HIP1: variants seen among roughly 807,000 people sequenced by gnomAD.
HIP1 encodes the protein huntingtin interacting protein 1.
Under a neutral mutation model 147.6 loss-of-function variants are expected in HIP1, and 65 were observed. That is an observed-to-expected ratio of 0.44 (90% CI 0.36 to 0.54). HIP1 has a LOEUF of 0.54. Among genes scored for constraint, HIP1 ranks in the 20% least tolerant of loss-of-function variants. The pLI is 0.00. For missense variants in HIP1, 1,061 were observed against 1,299.6 expected (o/e 0.82, Z 2.82); for synonymous variants, 479 against 504.0 (o/e 0.95, Z 0.67).
Position 75,568,237 on chromosome 7 carries a change from C to T in HIP1, c.765G>A (p.Leu255=). The T allele has an allele frequency of 1.2e-6, 2 of 1,613,164 alleles. No individual in the cohort carries two copies. The highest frequency in any genetic ancestry group is 2.2e-5 in the South Asian group (2 of 91,048). Residue 255 remains leucine, a synonymous_variant, in exon 9 of 31, where the codon CTG becomes CTA. Transcript: ENST00000336926. The surrounding 1 kb of genome is among the most constrained non-coding windows in gnomAD (Gnocchi z 4.1). ...CCATGAAGCGGTCCCGGTGGCCTTG[C>T]AGGGTGTCAGCTGGGAGGCCTGGAA... ...KLHSCLPADT[L]QGHRDRFMEQ...
chr7:75,572,421 G>C (rs1295405657), intron 8 of HIP1, among the ~76,000 whole-genome samples: 3 of 151,636 alleles, frequency 2.0e-5, no homozygotes, highest in African/African-American at 7.3e-5. Context: ...TAAATGGTCT[G>C]GAAATCATTA....
chr7:75,633,062 G>A (rs1456273078), intron 1 of HIP1, among the ~76,000 whole-genome samples: 1 of 152,084 alleles, frequency 6.6e-6, no homozygotes, highest in Non-Finnish European at 1.5e-5. Context: ...GGCTTAACAC[G>A]TAGGTGATGG....
At chr7:75,600,134 G>A (rs1019436429) in intron 1 of HIP1, among the ~76,000 whole-genome samples, 2 of 150,624 alleles carry the variant, frequency 1.3e-5, no homozygotes, top group East Asian at 2.0e-4. Context: ...TCTTTTGAGC[G>A]GAGTCTTACT....
intron 1 of HIP1, among the ~76,000 whole-genome samples, chr7:75,724,764 A>G (rs782781387): frequency 1.3e-5 from 2 of 151,956 alleles, no homozygotes; most frequent in Admixed American, 6.5e-5. Flanking sequence ...GGAAGCCACA[A>G]CTTGGGCATG....
rs368894720 is a variant in HIP1 at position 75,555,123 on chromosome 7, G to A, written c.1963+293C>T. ...GATTGTGTGAGCCCAGGAAGCGGAG[G>A]TTGCAGTGAGCCACGGCACTGCACT... On this transcript the variant is annotated intron_variant, in intron 19 of 30. Coordinates refer to ENST00000336926, the MANE Select transcript of HIP1 (RefSeq NM_005338.7). 7.4e-4 allele frequency among the ~76,000 whole-genome samples: 104 copies of A among 140,828 alleles called. 1 individual carries two copies. Among genetic ancestry groups the A allele is most frequent in the African/African-American group, 2.6e-3 (98 of 37,898 alleles). 92.4% of individuals were successfully genotyped at this position (140,828 alleles called of 152,430 possible).
At chr7:75,560,515 G>A (rs587619638) in intron 13 of HIP1, among the ~76,000 whole-genome samples, 67 of 152,290 alleles carry the variant, frequency 4.4e-4, no homozygotes, top group Non-Finnish European at 7.1e-4. Flanking sequence ...GCCTTCCAAA[G>A]TGCTGGGGTT....
intron 1 of HIP1, among the ~76,000 whole-genome samples, chr7:75,683,385 T>C (rs1554517179): frequency 6.6e-6 from 1 of 152,028 alleles, no homozygotes; most frequent in East Asian, 1.9e-4. Context: ...CCAAAAGGGG[T>C]TCCTGGCCTG....
At chr7:75,612,968 G>A (rs1301186549) in intron 1 of HIP1, among the ~76,000 whole-genome samples, 11 of 152,030 alleles carry the variant, frequency 7.2e-5, no homozygotes, top group Non-Finnish European at 1.5e-5. Context: ...GCTGGGCATG[G>A]TGGCAGGTGC....
chr7:75,640,261 A>G (rs976685708), intron 1 of HIP1, among the ~76,000 whole-genome samples: 5 of 152,086 alleles, frequency 3.3e-5, no homozygotes, highest in African/African-American at 1.2e-4. Context: ...GATCAACCCC[A>G]CTTTATACGG....
At chr7:75,651,143 A>G (rs1798966655) in intron 1 of HIP1, among the ~76,000 whole-genome samples, 1 of 151,904 alleles carries the variant, frequency 6.6e-6, no homozygotes, top group Non-Finnish European at 1.5e-5. Context: ...CTCAGTCCGC[A>G]TGAAAACGGG....
chr7:75,574,300 T>A (rs1212297135), intron 7 of HIP1, among the ~76,000 whole-genome samples: 1 of 145,642 alleles, frequency 6.9e-6, no homozygotes, highest in Non-Finnish European at 1.5e-5. Context: ...AAAAAAAAAG[T>A]GGTTTTGGCA....
chr7:75,550,739 T>G (rs1471804464), intron 22 of HIP1, among the ~76,000 whole-genome samples: 4 of 152,144 alleles, frequency 2.6e-5, no homozygotes, highest in Non-Finnish European at 5.9e-5. Flanking sequence ...ATTTTTTAAT[T>G]CCACATAGAT....
At chr7:75,620,857 G>C (rs1305645321) in intron 1 of HIP1, among the ~76,000 whole-genome samples, 1 of 152,044 alleles carries the variant, frequency 6.6e-6, no homozygotes, top group African/African-American at 2.4e-5. Context: ...GATAGGGCTG[G>C]AGTGTTCTAG....
At chr7:75,597,132 A>T (rs1796776732) in intron 2 of HIP1, among the ~76,000 whole-genome samples, 1 of 152,158 alleles carries the variant, frequency 6.6e-6, no homozygotes, top group Non-Finnish European at 1.5e-5. Flanking sequence ...AAAGAGCAAG[A>T]TCTAGCTAGG....
At chr7:75,573,392 A>G (rs1205276854) in intron 8 of HIP1, among the ~76,000 whole-genome samples, 1 of 151,988 alleles carries the variant, frequency 6.6e-6, no homozygotes, top group Non-Finnish European at 1.5e-5. Flanking sequence ...CTGTTCTAAT[A>G]CTCAATAAAG....
At chr7:75,639,794 C>T (rs1457923415) in intron 1 of HIP1, among the ~76,000 whole-genome samples, 1 of 152,108 alleles carries the variant, frequency 6.6e-6, no homozygotes, top group African/African-American at 2.4e-5. Flanking sequence ...GGGGAATTCA[C>T]GGCCAGTTGT....
intron 1 of HIP1, among the ~76,000 whole-genome samples, chr7:75,697,063 G>A (rs951428135): frequency 6.6e-5 from 10 of 151,778 alleles, no homozygotes; most frequent in African/African-American, 2.4e-4. Context: ...AATTTATCCA[G>A]GCATGCAGCC....
At chr7:75,664,533 T>C (rs2117227522) in intron 1 of HIP1, among the ~76,000 whole-genome samples, 1 of 150,418 alleles carries the variant, frequency 6.6e-6, no homozygotes, top group East Asian at 2.0e-4. Context: ...TATACATACA[T>C]ATATACACAT....
At chr7:75,676,872 A>G (rs2117259740) in intron 1 of HIP1, among the ~76,000 whole-genome samples, 1 of 152,024 alleles carries the variant, frequency 6.6e-6, no homozygotes, top group East Asian at 1.9e-4. Context: ...ACTGTTATCC[A>G]TGACCTTAGG....
Sources: allele counts gnomAD v4.1 joint callset (sites outside exome capture counted in the v4.1 genomes callset), GRCh38; gene constraint gnomAD v4.1.1; non-coding constraint Gnocchi (gnomAD v3.1); transcripts MANE v1.5; gene names NCBI Gene and HGNC (gene_info 2026-07-23, HGNC 2026-07-21).